CSAD: variants seen among roughly 807,000 people sequenced by gnomAD.
CSAD encodes the protein cysteine sulfinic acid decarboxylase, also known as P-selectin cytoplasmic tail-associated protein.
Under a neutral mutation model 61.5 loss-of-function variants are expected in CSAD, and 47 were observed. The observed-to-expected ratio is 0.76, with a 90% CI of 0.60 to 0.97. CSAD has a LOEUF of 0.97. CSAD is among the 50% of genes least tolerant of loss of function. The pLI, the probability that CSAD is intolerant of heterozygous loss-of-function variation, is 0.00. For synonymous variants in CSAD, 245 were observed against 252.7 expected, an observed-to-expected ratio of 0.97 and a Z score of 0.29; for missense variants, 611 against 643.6, an observed-to-expected ratio of 0.95 and a Z score of 0.55.
intron 2 of CSAD, among the ~76,000 whole-genome samples, chr12:53,175,955 G>A (rs569544260): frequency 7.9e-5 from 12 of 152,320 alleles, no homozygotes; most frequent in Admixed American, 5.9e-4. Context: ...ATGGGAACAA[G>A]CCTAGATCAC....
intron 10 of CSAD, among the ~76,000 whole-genome samples, chr12:53,165,399 G>A (rs373717449): frequency 8.0e-5 from 12 of 150,670 alleles, no homozygotes; most frequent in African/African-American, 2.4e-4. Context: ...GGTGGCTCAC[G>A]CCTGTGATCC....
intron 10 of CSAD, among the ~76,000 whole-genome samples, chr12:53,162,472 G>T (rs1275982647): frequency 6.6e-6 from 1 of 152,128 alleles, no homozygotes; most frequent in Non-Finnish European, 1.5e-5. Flanking sequence ...GGAGGCTGAG[G>T]CAGGAGAATC....
At chr12:53,180,434 CG>C in intron 1 of CSAD, 1 of 1,175,032 alleles carries the variant, frequency 8.5e-7, no homozygotes, top group Non-Finnish European at 1.1e-6. Context: ...GAGCACCCAG[CG>C]TACAATCATC....
intron 13 of CSAD, 62 bp from the exon 14 acceptor site, chr12:53,160,381 T>G: frequency 6.6e-7 from 1 of 1,523,078 alleles, no homozygotes; most frequent in East Asian, 2.3e-5. Flanking sequence ...CCTCCAGGGC[T>G]GCACTGTGGG....
At chr12:53,180,524 G>T (rs376842641) in intron 1 of CSAD, 1 of 1,273,362 alleles carries the variant, frequency 7.9e-7, no homozygotes, top group African/African-American at 1.6e-5. Context: ...CGGCCTCAGC[G>T]CTCCCTCCTC....
At chr12:53,169,970 A>G (rs771246300) in intron 10 of CSAD, 102 bp downstream of exon 10, 80 of 994,540 alleles carry the variant, frequency 8.0e-5, no homozygotes, top group Non-Finnish European at 1.1e-4. Flanking sequence ...GGAGATGGGC[A>G]TGGAGACGAG....
chr12:53,176,195 A>G (rs1941090625), intron 2 of CSAD, among the ~76,000 whole-genome samples: 1 of 151,852 alleles, frequency 6.6e-6, no homozygotes, highest in African/African-American at 2.4e-5. Context: ...AGGTCACCTG[A>G]GGTCAGGAGT....
intron 1 of CSAD, chr12:53,180,391 G>A (rs1592375341): frequency 2.0e-6 from 2 of 985,298 alleles, no homozygotes; most frequent in Non-Finnish European, 2.4e-6. Context: ...CAAGGAGTCT[G>A]AACCAGCTCA....
chr12:53,180,375 A>AT (rs1941482467), intron 1 of CSAD: 1 of 985,112 alleles, frequency 1.0e-6, no homozygotes. Context: ...AGTGACGATG[A>AT]TTTTTCAAGG....
At chr12:53,177,818 T>G (rs1941218223) in intron 2 of CSAD, 1 of 152,264 alleles carries the variant, frequency 6.6e-6, no homozygotes, top group South Asian at 2.1e-4. Context: ...TTTTGTATTT[T>G]TAGTAGAGAT....
intron 8 of CSAD, chr12:53,170,724 T>A: frequency 2.8e-6 from 1 of 352,892 alleles, no homozygotes; most frequent in Non-Finnish European, 5.0e-6. Context: ...ATTTGTTTGT[T>A]TTTTTTTTTT....
chr12:53,161,016 C>T (rs1276726170), intron 12 of CSAD, 111 bp downstream of exon 12: 9 of 1,201,174 alleles, frequency 7.5e-6, no homozygotes, highest in South Asian at 2.7e-5. Flanking sequence ...TCTCTCCAGT[C>T]CCCCTCCCCT....
chr12:53,165,326 G>C (rs1939783030), intron 10 of CSAD, among the ~76,000 whole-genome samples: 1 of 151,378 alleles, frequency 6.6e-6, no homozygotes, highest in Non-Finnish European at 1.5e-5. Flanking sequence ...GGGTGACAGA[G>C]CAAGACCCTC....
Position 53,180,896 on chromosome 12 carries a change from C to T in CSAD, c.-255G>A, listed in dbSNP as rs543329591. Reference sequence around the variant, plus strand: ...CGTACAGACGGCAGCGCTTCAGTAGCTCGCAAGCCGTGGGGTGCCGCGCGG... The same window carrying T: ...CGTACAGACGGCAGCGCTTCAGTAGTTCGCAAGCCGTGGGGTGCCGCGCGG... On this transcript the variant is annotated 5_prime_UTR_variant, in exon 1 of 17. Coordinates refer to ENST00000444623, the MANE Select transcript of CSAD (RefSeq NM_001244705.2). 91 of 1,149,300 alleles carry T rather than the reference C, an allele frequency of 7.9e-5. No homozygotes were observed. In the South Asian group the frequency reaches 1.3e-3, roughly 16 times the overall value. The allele number at this position is 1,149,300 out of a possible 1,614,324, so 71.2% of individuals were successfully genotyped here.
chr12:53,158,690 GA>G lies in CSAD; in HGVS notation c.1309-7del. 6.2e-7 allele frequency: 1 copy of G among 1,613,472 alleles called. No homozygotes were observed. The highest frequency in any genetic ancestry group is 8.5e-7 in the Non-Finnish European group (1 of 1,179,702). On this transcript the variant is annotated splice_polypyrimidine_tract_variant and splice_region_variant and intron_variant, in intron 16 of 16. Coordinates refer to ENST00000444623, the MANE Select transcript of CSAD (RefSeq NM_001244705.2). ...TCCTTGAGCACGGGGGCCACCTGTG[GA>G]AGGGTGGAGAGAGATTCCAGCTGCA...
chr12:53,179,711 T>C, intron 1 of CSAD: 1 of 1,313,148 alleles, frequency 7.6e-7, no homozygotes, highest in Non-Finnish European at 1.1e-6. Context: ...TTTTTCATCA[T>C]ACAGTTTTTT....
intron 6 of CSAD, 99 bp from the exon 7 acceptor site, chr12:53,172,087 G>T: frequency 5.9e-6 from 5 of 852,220 alleles, no homozygotes; most frequent in South Asian, 1.6e-5. Context: ...GCAGTGAAGA[G>T]TGAGCAAAGC....
In CSAD at chr12:53,172,586, C is replaced by G. The variant is rs1326333919; in HGVS notation, c.189G>C (p.Gln63His). The G allele has an allele frequency of 1.9e-6, 3 of 1,612,304 alleles. No homozygotes were observed. Among genetic ancestry groups the G allele is most frequent in the Non-Finnish European group, 2.5e-6 (3 of 1,179,434 alleles). ...CCAGGATCTGCTTCTGTGACTCGCCCTGGCTCCGCAGCTCCAAATCCAGCA... is the reference window on the plus strand; with the variant it reads ...CCAGGATCTGCTTCTGTGACTCGCCGTGGCTCCGCAGCTCCAAATCCAGCA... ...KQLLDLELRS[Q>H]GESQKQILER... is the part of the protein sequence containing the mutation. Residue 63 changes from glutamine (Q) to histidine (H), a missense_variant, in exon 5 of 17, where the codon CAG (glutamine) becomes CAC (histidine). Gln to His is a conservative substitution (Grantham distance 24). Coordinates refer to ENST00000444623, the MANE Select transcript of CSAD (RefSeq NM_001244705.2).
intron 10 of CSAD, among the ~76,000 whole-genome samples, chr12:53,169,730 G>C (rs1297574278): frequency 6.6e-6 from 1 of 152,014 alleles, no homozygotes; most frequent in Non-Finnish European, 1.5e-5. Flanking sequence ...GCCTTCACCA[G>C]TGCCTCTCCC....
Sources: gnomAD v4.1 joint callset for allele counts (sites outside exome capture counted in the v4.1 genomes callset) on GRCh38, gnomAD v4.1.1 for gene constraint, MANE v1.5 for transcripts, NCBI Gene and HGNC (gene_info 2026-07-23, HGNC 2026-07-21) for gene names.